SEPTIN10: variants seen among roughly 807,000 people sequenced by gnomAD.
SEPTIN10 encodes septin-10.
In SEPTIN10, 66 loss-of-function variants were observed where a neutral mutation model predicts 54.8. That is an observed-to-expected ratio of 1.21 (90% CI 0.99 to 1.48). SEPTIN10 has a LOEUF of 1.48. Ranked by LOEUF, SEPTIN10 falls within the 40% of genes most tolerant of loss-of-function variation. The pLI, the probability that SEPTIN10 is intolerant of heterozygous loss-of-function variation, is 0.00. For missense variants in SEPTIN10, 620 were observed against 545.6 expected, an observed-to-expected ratio of 1.14 and a Z score of -1.36; for synonymous variants, 161 against 181.0, an observed-to-expected ratio of 0.89 and a Z score of 0.89.
At chr2:109,571,709 A>G (rs1282821579) in intron 5 of SEPTIN10, among the ~76,000 whole-genome samples, 1 of 152,168 alleles carries the variant, frequency 6.6e-6, no homozygotes, top group Admixed American at 6.5e-5. Context: ...TCCTCAGGGT[A>G]TCGAAACCAA....
chr2:109,564,295 C>G, intron 8 of SEPTIN10, 71 bp downstream of exon 8: 1 of 1,347,686 alleles, frequency 7.4e-7, no homozygotes, highest in Non-Finnish European at 9.8e-7. Context: ...GCCCCATCAT[C>G]CTGGATATAT....
At chr2:109,591,273 A>C (rs889627706) in intron 2 of SEPTIN10, among the ~76,000 whole-genome samples, 4 of 152,194 alleles carry the variant, frequency 2.6e-5, no homozygotes, top group Non-Finnish European at 4.4e-5. Flanking sequence ...AGTTGAACTA[A>C]ATGGCCTCTA....
Position 109,573,808 on chromosome 2 carries a change from T to C in SEPTIN10, c.600+773A>G, listed in dbSNP as rs529975617. ...GTGAGTTAGTTTATGAATTTTTCTA[T>C]AGCTCCCTAAATTTATATATAGCTC... On this transcript the variant is annotated intron_variant, in intron 5 of 10. Transcript: ENST00000397712. 1.2e-3 allele frequency among the ~76,000 whole-genome samples: 181 copies of C among 152,352 alleles called. 1 individual carries two copies. The highest frequency in any genetic ancestry group is 4.3e-3 in the African/African-American group (179 of 41,586).
chr2:109,610,829 C>T (rs973004048), intron 1 of SEPTIN10, among the ~76,000 whole-genome samples: 7 of 152,306 alleles, frequency 4.6e-5, no homozygotes, highest in Non-Finnish European at 8.8e-5. Context: ...TAATTCCTCT[C>T]GAATCCCAGC....
chr2:109,566,159 C>T lies in SEPTIN10; in HGVS notation c.763-300G>A, dbSNP rs558717046. Among the ~76,000 whole-genome samples, 28 of 151,996 alleles carry T rather than the reference C, an allele frequency of 1.8e-4. No individual in the cohort carries two copies. In the East Asian group the frequency reaches 4.8e-3, roughly 26 times the overall value. On this transcript the variant is annotated intron_variant, in intron 6 of 10. Transcript: ENST00000397712. The stretch of plus-strand genomic sequence containing the variant: ...TTTTTGAGACAGAGTCTTACTCTGT[C>T]GCCCAAGCTGAAGTGCAGTGACACG...
At chr2:109,610,952 A>G (rs1699130654) in intron 1 of SEPTIN10, among the ~76,000 whole-genome samples, 2 of 152,324 alleles carry the variant, frequency 1.3e-5, no homozygotes, top group South Asian at 2.1e-4. Flanking sequence ...AAATCAGTCT[A>G]CCTTATTTCA....
chr2:109,604,659 G>A (rs1171493819), intron 1 of SEPTIN10, among the ~76,000 whole-genome samples: 5 of 151,150 alleles, frequency 3.3e-5, no homozygotes, highest in Non-Finnish European at 5.9e-5. Context: ...CCGGGGAGGC[G>A]GAGCTTACAG....
intron 2 of SEPTIN10, 142 bp downstream of exon 2, chr2:109,592,909 C>G: frequency 2.2e-6 from 1 of 446,598 alleles, no homozygotes; most frequent in Middle Eastern, 3.5e-4. Flanking sequence ...TCACTTGAAT[C>G]AACAGAAAAA....
chr2:109,575,135 G>C (rs772166606), intron 4 of SEPTIN10, among the ~76,000 whole-genome samples: 2 of 152,174 alleles, frequency 1.3e-5, no homozygotes, highest in Non-Finnish European at 2.9e-5. Context: ...AAATGGTATT[G>C]AATTTACACT....
At chr2:109,613,393 G>C (rs983097284) in intron 1 of SEPTIN10, 1 of 325,788 alleles carries the variant, frequency 3.1e-6, no homozygotes, top group African/African-American at 2.1e-5. Flanking sequence ...GCTTTCTCCC[G>C]GCGGCAGGGA....
intron 4 of SEPTIN10, among the ~76,000 whole-genome samples, chr2:109,575,714 G>C (rs1259109365): frequency 2.0e-5 from 3 of 152,198 alleles, no homozygotes; most frequent in African/African-American, 7.2e-5. Flanking sequence ...ACAGCAAACA[G>C]TTCCCATGTC....
intron 2 of SEPTIN10, among the ~76,000 whole-genome samples, chr2:109,592,038 TC>T (rs1201839660): frequency 6.6e-6 from 1 of 152,088 alleles, no homozygotes; most frequent in Non-Finnish European, 1.5e-5. Context: ...ACCAAACCCC[TC>T]CCCACAGACC....
chr2:109,576,399 T>C (rs1327121673), intron 4 of SEPTIN10, among the ~76,000 whole-genome samples: 2 of 151,902 alleles, frequency 1.3e-5, no homozygotes, highest in African/African-American at 4.8e-5. Context: ...ACACCCGGCC[T>C]CAAAAAATGA....
At chr2:109,592,507 T>C (rs1253057376) in intron 2 of SEPTIN10, among the ~76,000 whole-genome samples, 2 of 150,406 alleles carry the variant, frequency 1.3e-5, no homozygotes, top group African/African-American at 4.9e-5. Context: ...GAAATAGGGC[T>C]GGGCGCAGTG....
Position 109,606,351 on chromosome 2 carries a change from G to A in SEPTIN10, c.30+7447C>T, listed in dbSNP as rs533060417. Among the ~76,000 whole-genome samples the A allele has an allele frequency of 5.3e-4, 80 of 152,256 alleles. 1 individual carries two copies. The highest frequency in any genetic ancestry group is 1.7e-3 in the African/African-American group (72 of 41,540). On this transcript the variant is annotated intron_variant, in intron 1 of 10. Transcript: ENST00000397712. ...AATCGTTTGAACCCGGGAGGCAGAG[G>A]TTGCAGTGAGCCAACACTGCACCAC...
intron 6 of SEPTIN10, among the ~76,000 whole-genome samples, chr2:109,566,257 A>T (rs988299067): frequency 1.3e-5 from 2 of 151,948 alleles, no homozygotes; most frequent in African/African-American, 4.8e-5. Context: ...AGTAGCTGGG[A>T]TTACAGTTGC....
rs376547232 is a variant in SEPTIN10, at chr2:109,593,097, G to A, written c.53C>T (p.Thr18Met). The A allele has an allele frequency of 5.1e-5, 82 of 1,596,850 alleles. No individual in the cohort carries two copies. Among genetic ancestry groups the A allele is most frequent in the Middle Eastern group, 5.0e-4 (3 of 6,024 alleles). The change falls in exon 2 of 11, where the codon ACG becomes ATG. Residue 18 changes from threonine to methionine, a missense_variant. Physicochemically the swap from Thr to Met is moderately conservative, Grantham distance 81. Transcript: ENST00000397712. ...RHLLFQSHMA[T>M]KTTCMSSQGS... ...TTGTGAAGACATACAAGTTGTTTTC[G>A]TTGCCATGTGAGACTGAAAGAGCTA...
chr2:109,613,392 C>T (rs1573930668), intron 1 of SEPTIN10: 2 of 324,422 alleles, frequency 6.2e-6, no homozygotes, highest in East Asian at 7.5e-5. Flanking sequence ...GGCTTTCTCC[C>T]GGCGGCAGGG....
chr2:109,572,397 C>G (rs895736469), intron 5 of SEPTIN10, among the ~76,000 whole-genome samples: 2 of 151,728 alleles, frequency 1.3e-5, no homozygotes, highest in Admixed American at 6.6e-5. Context: ...CCTCCCAAAC[C>G]GCTGGGGTTA....
Sources: allele counts gnomAD v4.1 joint callset (sites outside exome capture counted in the v4.1 genomes callset), GRCh38; gene constraint gnomAD v4.1.1; transcripts MANE v1.5; gene names NCBI Gene and HGNC (gene_info 2026-07-23, HGNC 2026-07-21).